Variants in NRG3 observed in about 807,000 individuals in gnomAD.
NRG3 encodes the protein neuregulin 3, also known as pro-neuregulin-3, membrane-bound isoform.
NRG3 carries 31 observed loss-of-function variants against 66.9 expected under a neutral mutation model. The observed-to-expected ratio is 0.46, with a 90% confidence interval of 0.35 to 0.63. NRG3 has a LOEUF of 0.63. Among genes scored for constraint, NRG3 ranks in the 20% least tolerant of loss-of-function variants. The pLI is 0.00. For synonymous variants in NRG3, 393 were observed against 359.4 expected (o/e 1.09, Z -1.06); for missense variants, 910 against 878.9 (o/e 1.04, Z -0.45).
intron 4 of NRG3, among the ~76,000 whole-genome samples, chr10:82,897,523 T>A (rs952097185): frequency 6.6e-6 from 1 of 152,102 alleles, no homozygotes; most frequent in East Asian, 1.9e-4. Flanking sequence ...GTCTTTTTTG[T>A]TTTGTTTTGT....
chr10:82,454,018 A>G (rs1208938193), intron 2 of NRG3, among the ~76,000 whole-genome samples: 6 of 152,198 alleles, frequency 3.9e-5, no homozygotes, highest in Non-Finnish European at 5.9e-5. Flanking sequence ...TCATAATCAT[A>G]TTTTGTTCCC....
intron 2 of NRG3, among the ~76,000 whole-genome samples, chr10:82,394,148 C>T (rs1161110176): frequency 6.6e-6 from 1 of 152,148 alleles, no homozygotes; most frequent in Non-Finnish European, 1.5e-5. Flanking sequence ...ACAGAGCTAA[C>T]AGGAAGCCTA....
Position 82,608,346 on chromosome 10 carries a change from G to A in NRG3, c.954-130231G>A, listed in dbSNP as rs193077976. 3.9e-5 allele frequency among the ~76,000 whole-genome samples: 6 copies of A among 152,004 alleles called. No homozygotes were observed. The East Asian group carries it at 1.2e-3, about 29-fold the overall frequency. On this transcript the variant is annotated intron_variant, in intron 2 of 8. Transcript: ENST00000372141. ...TGCTTTTTTCAAGATTTTTCTCTTTGTGTTTAACCTCCTGTGGTTTGAACT... is the reference window on the plus strand; with the variant it reads ...TGCTTTTTTCAAGATTTTTCTCTTTATGTTTAACCTCCTGTGGTTTGAACT...
At chr10:82,521,772 T>C (rs1846213518) in intron 2 of NRG3, among the ~76,000 whole-genome samples, 1 of 152,160 alleles carries the variant, frequency 6.6e-6, no homozygotes, top group African/African-American at 2.4e-5. Flanking sequence ...CTTTAAAAAT[T>C]GGGGTCAATC....
intron 2 of NRG3, among the ~76,000 whole-genome samples, chr10:82,370,993 TAC>T (rs931381704): frequency 6.6e-6 from 1 of 151,790 alleles, no homozygotes; most frequent in African/African-American, 2.4e-5. Flanking sequence ...CACATGCATA[TAC>T]ACACAGTCTG....
At chr10:82,095,909 G>A (rs1176965271) in intron 1 of NRG3, among the ~76,000 whole-genome samples, 1 of 152,166 alleles carries the variant, frequency 6.6e-6, no homozygotes, top group African/African-American at 2.4e-5. Flanking sequence ...TTCAAGAAAT[G>A]TTCAGCCTTC....
chr10:81,990,435 A>G (rs2060695577), intron 1 of NRG3, among the ~76,000 whole-genome samples: 1 of 152,156 alleles, frequency 6.6e-6, no homozygotes, highest in Non-Finnish European at 1.5e-5. Flanking sequence ...ATTGTTCTTT[A>G]GATTACTTAT....
intron 3 of NRG3, among the ~76,000 whole-genome samples, chr10:82,772,770 A>T (rs987918189): frequency 7.6e-6 from 1 of 131,680 alleles, no homozygotes; most frequent in African/African-American, 3.0e-5. Context: ...TACTGATGTG[A>T]TCATAGTTCA....
chr10:82,802,726 C>T (rs1348762627), intron 3 of NRG3, among the ~76,000 whole-genome samples: 1 of 152,012 alleles, frequency 6.6e-6, no homozygotes, highest in South Asian at 2.1e-4. Context: ...GATCACGGCT[C>T]ACTGAAGCTT....
chr10:82,169,597 T>C (rs1445668308), intron 1 of NRG3, among the ~76,000 whole-genome samples: 1 of 151,724 alleles, frequency 6.6e-6, no homozygotes, highest in Non-Finnish European at 1.5e-5. Context: ...CCAGTGTAAA[T>C]TTTGATTCTA....
chr10:82,931,988 A>G (rs1273895892), intron 4 of NRG3, among the ~76,000 whole-genome samples: 1 of 152,148 alleles, frequency 6.6e-6, no homozygotes, highest in Non-Finnish European at 1.5e-5. Flanking sequence ...TATCTGGCCT[A>G]TAGGATCATC....
chr10:82,975,747 C>G (rs952062681), intron 7 of NRG3, among the ~76,000 whole-genome samples: 4 of 152,182 alleles, frequency 2.6e-5, no homozygotes, highest in African/African-American at 9.7e-5. Context: ...TCCTGAATGC[C>G]ACTGAGTTAG....
intron 2 of NRG3, among the ~76,000 whole-genome samples, chr10:82,457,512 T>C (rs2091321174): frequency 6.6e-6 from 1 of 152,086 alleles, no homozygotes; most frequent in African/African-American, 2.4e-5. Context: ...TAACAGGCCA[T>C]GGACCAGCAG....
chr10:82,415,650 GA>G (rs2088498965), intron 2 of NRG3, among the ~76,000 whole-genome samples: 3 of 152,076 alleles, frequency 2.0e-5, no homozygotes, highest in South Asian at 2.1e-4. Context: ...TTATTTTAAG[GA>G]AAGTGATACT....
At chr10:82,587,737 A>G (rs1156624587) in intron 2 of NRG3, among the ~76,000 whole-genome samples, 2 of 152,214 alleles carry the variant, frequency 1.3e-5, no homozygotes, top group African/African-American at 4.8e-5. Flanking sequence ...TTCTCTGTTT[A>G]GAGTCAGTAA....
intron 2 of NRG3, among the ~76,000 whole-genome samples, chr10:82,582,150 T>A (rs1440623481): frequency 1.3e-5 from 2 of 152,096 alleles, no homozygotes; most frequent in Non-Finnish European, 2.9e-5. Flanking sequence ...AGCAAAAAAA[T>A]TCCCTTTTCA....
At chr10:82,089,436 T>C (rs1368438075) in intron 1 of NRG3, among the ~76,000 whole-genome samples, 7 of 152,090 alleles carry the variant, frequency 4.6e-5, no homozygotes, top group Admixed American at 4.6e-4. Context: ...TTGCATGATA[T>C]GGAGATGGAT....
chr10:81,895,131 C>G (rs1233957377), intron 1 of NRG3, among the ~76,000 whole-genome samples: 2 of 152,084 alleles, frequency 1.3e-5, no homozygotes. Flanking sequence ...GTTGGTCGGG[C>G]TACACATGCC....
intron 1 of NRG3, among the ~76,000 whole-genome samples, chr10:82,089,971 C>T (rs75839864): frequency 0.023 from 3,523 of 152,288 alleles, 74 homozygotes; most frequent in Admixed American, 0.053. Flanking sequence ...GCTCTTTGCC[C>T]TCTTCCATGG....
Sources: gnomAD v4.1 joint callset for allele counts (sites outside exome capture counted in the v4.1 genomes callset) on GRCh38, gnomAD v4.1.1 for gene constraint, MANE v1.5 for transcripts, NCBI Gene and HGNC (gene_info 2026-07-23, HGNC 2026-07-21) for gene names.